Variants in PRKN observed in about 807,000 individuals in gnomAD.
PRKN encodes E3 ubiquitin-protein ligase parkin.
In PRKN, 56 loss-of-function variants were observed where a neutral mutation model predicts 59.5. The observed-to-expected ratio is 0.94, with a 90% CI of 0.76 to 1.18. The LOEUF is 1.18. Among genes scored for constraint, PRKN ranks in the 50% most tolerant of loss-of-function variants. The pLI is 0.00. For missense variants in PRKN, 657 were observed against 596.4 expected (o/e 1.10, Z -1.06); for synonymous variants, 250 against 222.1 (o/e 1.13, Z -1.12).
intron 7 of PRKN, among the ~76,000 whole-genome samples, chr6:161,626,191 C>T (rs1028415700): frequency 5.9e-5 from 9 of 152,088 alleles, no homozygotes; most frequent in South Asian, 4.1e-4. Context: ...GTTTGGTGAA[C>T]GAATAAGGAG....
At chr6:162,036,397 G>T (rs760777154) in intron 5 of PRKN, among the ~76,000 whole-genome samples, 2 of 151,736 alleles carry the variant, frequency 1.3e-5, no homozygotes, top group Non-Finnish European at 2.9e-5. Flanking sequence ...ATTTTGTTTT[G>T]AGATAGAGTT....
chr6:161,735,933 A>G (rs548210537), intron 7 of PRKN, among the ~76,000 whole-genome samples: 30 of 152,246 alleles, frequency 2.0e-4, no homozygotes, highest in African/African-American at 7.2e-4. Flanking sequence ...CAAAAAAAAA[A>G]GTGAGACTAT....
chr6:161,745,228 AATAAG>A (rs1788365796), intron 7 of PRKN, among the ~76,000 whole-genome samples: 2 of 152,162 alleles, frequency 1.3e-5, no homozygotes, highest in Admixed American at 6.5e-5. Context: ...CATAAAATAA[AATAAG>A]ATATTACTCT....
chr6:162,480,976 T>G lies in PRKN; in HGVS notation c.8-37503A>C, dbSNP rs1053422058. 2.3e-4 allele frequency among the ~76,000 whole-genome samples: 34 copies of G among 150,048 alleles called. 1 individual carries two copies. Among genetic ancestry groups the G allele is most frequent in the South Asian group, 8.5e-4 (4 of 4,720 alleles). ...GTGCACCACCAAGCCCAGCTAATTT[T>G]TGTGTGTGTGTGTGTGTGTGTATTT... On this transcript the variant is annotated intron_variant, in intron 1 of 11. Coordinates refer to ENST00000366898, the MANE Select transcript of PRKN (RefSeq NM_004562.3).
At chr6:162,631,218 C>T (rs1376458838) in intron 1 of PRKN, among the ~76,000 whole-genome samples, 1 of 152,070 alleles carries the variant, frequency 6.6e-6, no homozygotes, top group Non-Finnish European at 1.5e-5. Context: ...TGTCAGGCCA[C>T]CTCAGGAATG....
chr6:161,543,142 G>C (rs1192805361), intron 9 of PRKN, among the ~76,000 whole-genome samples: 1 of 152,076 alleles, frequency 6.6e-6, no homozygotes, highest in Non-Finnish European at 1.5e-5. Flanking sequence ...TTGAGTAAAA[G>C]GGTAGGTATC....
intron 1 of PRKN, among the ~76,000 whole-genome samples, chr6:162,631,900 C>T (rs2128222732): frequency 6.6e-6 from 1 of 150,826 alleles, no homozygotes. Flanking sequence ...CTTCTGCATA[C>T]AGCCAGTTAA....
chr6:162,206,137 C>G (rs1297750958), intron 3 of PRKN, among the ~76,000 whole-genome samples: 1 of 152,148 alleles, frequency 6.6e-6, no homozygotes, highest in Non-Finnish European at 1.5e-5. Context: ...ATCATGTGCC[C>G]TTATTTCCTA....
chr6:161,548,904 G>T lies in PRKN; in HGVS notation c.1033C>A (p.Pro345Thr), dbSNP rs1320439103. Residue 345 changes from proline (P) to threonine (T), a missense_variant, in exon 9 of 12, where the codon CCT becomes ACT. Coordinates refer to ENST00000366898, the MANE Select transcript of PRKN (RefSeq NM_004562.3). This position sits in a 1 kb window ranked among gnomAD's most constrained non-coding sequence, Gnocchi z 4.2. ...PGCGAGLLPE[P>T]DQRKVTCEGG... ...TCGCAGGTGACTTTCCTCTGGTCAGGCTCCGGCAGCAGCCCCGCTCCACAG... is the reference window on the plus strand; with the variant it reads ...TCGCAGGTGACTTTCCTCTGGTCAGTCTCCGGCAGCAGCCCCGCTCCACAG... The T allele has an allele frequency of 1.9e-6, 3 of 1,614,020 alleles. No homozygotes were observed. In the African/African-American group the frequency reaches 4.0e-5, roughly 22 times the overall value.
chr6:162,209,701 C>T (rs1233024019), intron 3 of PRKN, among the ~76,000 whole-genome samples: 1 of 152,118 alleles, frequency 6.6e-6, no homozygotes, highest in Non-Finnish European at 1.5e-5. Context: ...AGACTTGGAA[C>T]CAACCCAAAT....
chr6:161,626,110 C>G (rs900087302), intron 7 of PRKN, among the ~76,000 whole-genome samples: 1 of 152,162 alleles, frequency 6.6e-6, no homozygotes, highest in African/African-American at 2.4e-5. Flanking sequence ...CTATATGTTC[C>G]TGGTGCGGTT....
chr6:162,164,164 A>G (rs1412100067), intron 4 of PRKN, among the ~76,000 whole-genome samples: 6 of 149,240 alleles, frequency 4.0e-5, no homozygotes, highest in Admixed American at 4.0e-4. Flanking sequence ...ACAATGGCCG[A>G]AAAGGAACTC....
chr6:162,073,760 C>G (rs1211927969), intron 4 of PRKN, among the ~76,000 whole-genome samples: 2 of 152,202 alleles, frequency 1.3e-5, no homozygotes, highest in South Asian at 2.1e-4. Context: ...CCCTCTACAG[C>G]TTTTAAAACA....
At position 161,527,509 on chromosome 6, in the gene PRKN, C is replaced by T. The variant is rs1271639659; in HGVS notation, c.1083+21345G>A. ...TGAGGGAGGGGTGCCTTCTAATTCA[C>T]AGCAAGATGCCTTCTGCTACCAAGT... is the stretch of plus-strand genomic sequence containing the variant. On this transcript the variant is annotated intron_variant, in intron 9 of 11. Transcript: ENST00000366898. The surrounding 1 kb of genome is among the most constrained non-coding windows in gnomAD (Gnocchi z 4.6). 6.6e-6 allele frequency among the ~76,000 whole-genome samples: 1 copy of T among 152,202 alleles called. No individual in the cohort carries two copies. Among genetic ancestry groups the T allele is most frequent in the African/African-American group, 2.4e-5 (1 of 41,440 alleles).
intron 2 of PRKN, among the ~76,000 whole-genome samples, 196 bp downstream of exon 2, chr6:162,443,114 C>T (rs1790139039): frequency 6.6e-6 from 1 of 152,242 alleles, no homozygotes; most frequent in African/African-American, 2.4e-5. Context: ...GTTGTTCTTC[C>T]AATCTTTCCT....
chr6:161,832,056 C>G (rs1424598279), intron 6 of PRKN, among the ~76,000 whole-genome samples: 1 of 152,174 alleles, frequency 6.6e-6, no homozygotes, highest in African/African-American at 2.4e-5. Flanking sequence ...GATACATTTA[C>G]CAACTGGACA....
chr6:161,582,629 A>T lies in PRKN; in HGVS notation c.872-13213T>A, dbSNP rs1011127025. On this transcript the variant is annotated intron_variant, in intron 7 of 11. Transcript: ENST00000366898. The surrounding 1 kb of genome is among the most constrained non-coding windows in gnomAD (Gnocchi z 4.4). The stretch of plus-strand genomic sequence containing the variant: ...GTTTTAGTAGAGATGGGGTTTCACC[A>T]TGTTAGCCAGGATGGTCTCGATCTG... Among the ~76,000 whole-genome samples the T allele has an allele frequency of 6.6e-6, 1 of 151,948 alleles. No individual in the cohort carries two copies. The highest frequency in any genetic ancestry group is 1.9e-4 in the East Asian group (1 of 5,160).
chr6:162,610,577 AAAGT>A (rs779670178), intron 1 of PRKN, among the ~76,000 whole-genome samples: 13 of 152,214 alleles, frequency 8.5e-5, no homozygotes, highest in Non-Finnish European at 1.8e-4. Context: ...CCATAGCAAC[AAAGT>A]AAGATGGGTT....
intron 6 of PRKN, among the ~76,000 whole-genome samples, chr6:161,786,968 T>C (rs1482243082): frequency 6.6e-6 from 1 of 152,072 alleles, no homozygotes; most frequent in Non-Finnish European, 1.5e-5. Context: ...CACAAGTTTA[T>C]GTCAAACAGG....
Sources: allele counts gnomAD v4.1 joint callset (sites outside exome capture counted in the v4.1 genomes callset), GRCh38; gene constraint gnomAD v4.1.1; non-coding constraint Gnocchi (gnomAD v3.1); transcripts MANE v1.5; gene names NCBI Gene and HGNC (gene_info 2026-07-23, HGNC 2026-07-21).